The following UNC13A variants were observed in gnomAD, a reference collection of about 807,000 sequenced individuals.
The protein encoded by UNC13A is unc-13 homolog A, also known as protein unc-13 homolog A.
UNC13A carries 61 observed loss-of-function variants against 219.7 expected under a neutral mutation model. That is an observed-to-expected ratio of 0.28 (90% CI 0.23 to 0.34). The LOEUF (loss-of-function observed/expected upper bound fraction) is 0.34, where lower values mean the gene tolerates loss of function less well. Ranked by LOEUF, UNC13A falls within the 10% of genes least tolerant of loss-of-function variation. The probability of loss-of-function intolerance (pLI) is 1.00; values close to 1 mark genes in which losing one functional copy is unlikely to be tolerated. For missense variants in UNC13A, 1,476 were observed against 2,270.3 expected, an observed-to-expected ratio of 0.65 and a Z score of 7.11; for synonymous variants, 920 against 884.6, an observed-to-expected ratio of 1.04 and a Z score of -0.71.
intron 22 of UNC13A, among the ~76,000 whole-genome samples, chr19:17,640,134 A>G (rs1469679117): frequency 6.6e-6 from 1 of 151,980 alleles, no homozygotes; most frequent in Non-Finnish European, 1.5e-5. Context: ...TCCTAGGCTC[A>G]AGCAATTCTC....
rs2076462097 is a variant in UNC13A at position 17,601,367 on chromosome 19, T to A, written c.*4687A>T. The A allele has an allele frequency of 6.6e-6, 1 of 152,534 alleles. No individual in the cohort carries two copies. Among genetic ancestry groups the A allele is most frequent in the African/African-American group, 2.4e-5 (1 of 41,442 alleles). 9.4% of individuals were successfully genotyped at this position (152,534 alleles called of 1,614,324 possible). On this transcript the variant is annotated 3_prime_UTR_variant, in exon 44 of 44. Transcript: ENST00000519716. The stretch of plus-strand genomic sequence containing the variant: ...TGGTTTTTCTTTTTTTAATGTCTGC[T>A]GTTAATAAAATATTTTTACAGAGAC...
chr19:17,679,489 G>T (rs925196833), intron 1 of UNC13A, among the ~76,000 whole-genome samples: 1 of 151,574 alleles, frequency 6.6e-6, no homozygotes, highest in Non-Finnish European at 1.5e-5. Context: ...AGACACTGGG[G>T]AGAGGAGAGG....
At chr19:17,623,482 G>T in intron 36 of UNC13A, 60 bp downstream of exon 36, 1 of 1,441,420 alleles carries the variant, frequency 6.9e-7, no homozygotes. Flanking sequence ...GCGACGCGGT[G>T]GGCCGAGTCC....
chr19:17,623,628 G>T, intron 35 of UNC13A, 81 bp from the exon 36 acceptor site: 1 of 689,864 alleles, frequency 1.4e-6, no homozygotes, highest in Non-Finnish European at 2.2e-6. Context: ...CAGGGAGGGG[G>T]CAGAGATGGC....
At chr19:17,631,288 A>C (rs1213827422) in intron 28 of UNC13A, among the ~76,000 whole-genome samples, 2 of 143,698 alleles carry the variant, frequency 1.4e-5, no homozygotes, top group Non-Finnish European at 3.1e-5. Context: ...TGGTGCGATC[A>C]CAGCTCACTG....
At chr19:17,641,582 A>G (rs1032556939) in intron 20 of UNC13A, 26 bp from the exon 21 acceptor site, 3 of 1,612,672 alleles carry the variant, frequency 1.9e-6, no homozygotes, top group Non-Finnish European at 2.5e-6. Flanking sequence ...AGAAAGTGTC[A>G]TGGAGAGTGC....
At chr19:17,623,272 G>A (rs1177914671) in intron 36 of UNC13A, 2 of 444,616 alleles carry the variant, frequency 4.5e-6, no homozygotes, top group Non-Finnish European at 8.0e-6. Flanking sequence ...CGCTGCGAAG[G>A]AGGAGCTGGG....
intron 18 of UNC13A, 32 bp downstream of exon 18, chr19:17,645,938 A>G: frequency 6.2e-7 from 1 of 1,607,142 alleles, no homozygotes; most frequent in Non-Finnish European, 8.5e-7. Context: ...AGGATGCCCC[A>G]CATGGGGCCA....
rs2076910731 is a variant in UNC13A, at chr19:17,636,121, G to GTTC, written c.3117_3118insGAA (p.Gly1039_Pro1040insGlu). The GTTC allele has an allele frequency of 6.2e-7, 1 of 1,606,432 alleles. No individual in the cohort carries two copies. Among genetic ancestry groups the GTTC allele is most frequent in the Non-Finnish European group, 8.5e-7 (1 of 1,176,356 alleles). On this transcript the variant is annotated inframe_insertion, in exon 26 of 44. Coordinates refer to ENST00000519716, the MANE Select transcript of UNC13A (RefSeq NM_001080421.3). ...CAGAAGTCGAGGTTCTTGATGCTGG[G>GTTC]CCCCTGTTCCTCTGGGAGAACTTCC...
intron 31 of UNC13A, among the ~76,000 whole-genome samples, 182 bp downstream of exon 31, chr19:17,629,055 CACA>C (rs2076814441): frequency 6.6e-6 from 1 of 152,118 alleles, no homozygotes; most frequent in African/African-American, 2.4e-5. Flanking sequence ...CTCAGACACA[CACA>C]ACTAGATACA....
At chr19:17,633,892 T>C (rs2076884685) in intron 26 of UNC13A, among the ~76,000 whole-genome samples, 2 of 145,712 alleles carry the variant, frequency 1.4e-5, no homozygotes, top group Non-Finnish European at 3.0e-5. Flanking sequence ...TATCCACCCA[T>C]CCATCCATCC....
At chr19:17,621,482 AAAC>A (rs979663178) in intron 37 of UNC13A, among the ~76,000 whole-genome samples, 2 of 152,238 alleles carry the variant, frequency 1.3e-5, no homozygotes, top group East Asian at 1.9e-4. Flanking sequence ...TCTACGTAAA[AAAC>A]AACACGTCTC....
At chr19:17,626,321 T>A (rs2076783475) in intron 34 of UNC13A, 1 of 270,330 alleles carries the variant, frequency 3.7e-6, no homozygotes, top group African/African-American at 2.2e-5. Context: ...TCCATCTTTT[T>A]AAAACATCTA....
At chr19:17,615,674 C>A (rs1171699552) in intron 41 of UNC13A, among the ~76,000 whole-genome samples, 2 of 152,054 alleles carry the variant, frequency 1.3e-5, no homozygotes. Flanking sequence ...CAGAGTGAGA[C>A]TCTGTCTCAA....
chr19:17,674,025 A>G lies in UNC13A; in HGVS notation c.152+632T>C, dbSNP rs1267167230. Among the ~76,000 whole-genome samples, 5 of 152,368 alleles carry G rather than the reference A, an allele frequency of 3.3e-5. No individual in the cohort carries two copies. In the East Asian group the frequency reaches 9.6e-4, roughly 29 times the overall value. On this transcript the variant is annotated intron_variant, in intron 3 of 43. Transcript: ENST00000519716. The surrounding 1 kb of genome is among the most constrained non-coding windows in gnomAD (Gnocchi z 5.0). ...GGCTCTGCCTCAAAACAAACAAACA[A>G]ACAAACAAAATTGGTGGCAAGGCCT...
chr19:17,633,048 A>T, intron 27 of UNC13A, 60 bp downstream of exon 27: 1 of 1,608,622 alleles, frequency 6.2e-7, no homozygotes, highest in Non-Finnish European at 8.5e-7. Context: ...CTTGGAGGGG[A>T]CACAGAGGTA....
At chr19:17,678,209 TGG>T (rs1258767855) in intron 1 of UNC13A, among the ~76,000 whole-genome samples, 1 of 152,124 alleles carries the variant, frequency 6.6e-6, no homozygotes, top group Admixed American at 6.6e-5. Context: ...CCAGGCGCGG[TGG>T]CTCATGCCTG....
At chr19:17,608,914 G>A (rs1473033022) in intron 43 of UNC13A, among the ~76,000 whole-genome samples, 2 of 150,920 alleles carry the variant, frequency 1.3e-5, no homozygotes, top group Non-Finnish European at 2.9e-5. Flanking sequence ...GCCTCCCAAA[G>A]TGTTGAGCTT....
chr19:17,644,539 T>G (rs1329382595), intron 19 of UNC13A, among the ~76,000 whole-genome samples: 12 of 115,806 alleles, frequency 1.0e-4, no homozygotes, highest in African/African-American at 3.8e-4. Flanking sequence ...TTTTTTTTTT[T>G]TTGAGACGGA....
Sources: gnomAD v4.1 joint callset for allele counts (sites outside exome capture counted in the v4.1 genomes callset) on GRCh38, gnomAD v4.1.1 for gene constraint, Gnocchi (gnomAD v3.1) non-coding constraint, MANE v1.5 for transcripts, NCBI Gene and HGNC (gene_info 2026-07-23, HGNC 2026-07-21) for gene names.